Variants in SORCS3 observed in about 807,000 individuals in gnomAD.
The protein encoded by SORCS3 is sortilin related VPS10 domain containing receptor 3.
SORCS3 carries 57 observed loss-of-function variants against 146.3 expected under a neutral mutation model. The ratio of observed to expected loss-of-function variants is 0.39; its 90% confidence interval spans 0.31 to 0.49. The LOEUF (loss-of-function observed/expected upper bound fraction) is 0.49. Ranked by LOEUF, SORCS3 falls within the 20% of genes least tolerant of loss-of-function variation. The probability of loss-of-function intolerance (pLI) is 0.92; values close to 1 mark genes in which losing one functional copy is unlikely to be tolerated. For synonymous variants in SORCS3, 653 were observed against 618.5 expected (o/e 1.06, Z -0.83); for missense variants, 1,341 against 1,575.5 (o/e 0.85, Z 2.52).
chr10:104,802,174 G>A (rs552259917), intron 1 of SORCS3, among the ~76,000 whole-genome samples: 214 of 152,212 alleles, frequency 1.4e-3, no homozygotes, highest in Admixed American at 2.5e-3. Context: ...ATTTAACAAC[G>A]GTTTTGCAAA....
intron 2 of SORCS3, among the ~76,000 whole-genome samples, chr10:104,856,596 A>G (rs948008689): frequency 8.7e-5 from 2 of 23,010 alleles, no homozygotes; most frequent in African/African-American, 2.2e-4. Flanking sequence ...AAATATATAC[A>G]TATAAATGTA....
chr10:104,951,439 C>T (rs2019427921), intron 3 of SORCS3, among the ~76,000 whole-genome samples: 1 of 152,010 alleles, frequency 6.6e-6, no homozygotes, highest in Non-Finnish European at 1.5e-5. Flanking sequence ...CCCAAGTGAT[C>T]CTTAAGAAAG....
rs1290649308 is a variant in SORCS3 at position 105,043,120 on chromosome 10, G to A, written c.1020G>A (p.Arg340=). 1.9e-6 allele frequency: 3 copies of A among 1,613,524 alleles called. No individual in the cohort carries two copies. The highest frequency in any genetic ancestry group is 2.2e-5 in the East Asian group (1 of 44,874). The change falls in exon 5 of 27, where the codon AGG becomes AGA. Residue 340 remains arginine (R), a synonymous_variant. Coordinates refer to ENST00000369701, the MANE Select transcript of SORCS3 (RefSeq NM_014978.3). ...QLMHERITPN[R]FYWSVAGLDK... ...TGCATGAACGCATCACACCCAACAG[G>A]TTTTATTGGTAAGCCCTATCCACAC... is the stretch of plus-strand genomic sequence containing the variant.
chr10:104,954,703 T>C (rs1053157837), intron 3 of SORCS3, among the ~76,000 whole-genome samples: 3 of 152,116 alleles, frequency 2.0e-5, no homozygotes, highest in African/African-American at 7.2e-5. Flanking sequence ...CTGCAACAAG[T>C]TTCACTAGCC....
intron 1 of SORCS3, among the ~76,000 whole-genome samples, chr10:104,670,843 CT>C (rs1406511000): frequency 2.6e-5 from 4 of 151,564 alleles, no homozygotes; most frequent in Non-Finnish European, 5.9e-5. Flanking sequence ...TCTTTAATTT[CT>C]TTCAGCAGTA....
chr10:105,222,611 A>G (rs964121322), intron 19 of SORCS3, among the ~76,000 whole-genome samples: 7 of 152,180 alleles, frequency 4.6e-5, no homozygotes, highest in Non-Finnish European at 8.8e-5. Context: ...CCTGTTTGGA[A>G]AACAGCCTTG....
chr10:105,261,506 A>T (rs1441204091), intron 25 of SORCS3, among the ~76,000 whole-genome samples: 1 of 152,154 alleles, frequency 6.6e-6, no homozygotes, highest in Non-Finnish European at 1.5e-5. Flanking sequence ...CATTTTAAGG[A>T]AGACTCTGGG....
chr10:104,903,594 T>C (rs1365858853), intron 2 of SORCS3, among the ~76,000 whole-genome samples: 1 of 152,202 alleles, frequency 6.6e-6, no homozygotes, highest in Non-Finnish European at 1.5e-5. Context: ...TAAGTTACAG[T>C]CCTCTTGGGA....
intron 19 of SORCS3, among the ~76,000 whole-genome samples, chr10:105,218,020 C>T (rs1374834134): frequency 6.6e-6 from 1 of 152,144 alleles, no homozygotes; most frequent in Non-Finnish European, 1.5e-5. Flanking sequence ...TAAGTGAAAA[C>T]AAGGAGCACC....
In SORCS3 at chr10:105,256,856, A is replaced by T; in HGVS notation, c.3375A>T (p.Ser1125=). 6.2e-7 allele frequency: 1 copy of T among 1,614,180 alleles called. No homozygotes were observed. Residue 1125 remains serine, a synonymous_variant, in exon 25 of 27, where the codon TCA becomes TCT. Transcript: ENST00000369701. ...LVDSSAGHSS[S]AMLMLLSVVF... ...ACTCCAGTGCTGGGCACAGCAGCTC[A>T]GCCATGCTTATGCTATTATCAGTGG...
At chr10:104,879,417 TCTC>T (rs1014491052) in intron 2 of SORCS3, among the ~76,000 whole-genome samples, 1 of 152,228 alleles carries the variant, frequency 6.6e-6, no homozygotes, top group African/African-American at 2.4e-5. Flanking sequence ...CTGAAAAAAT[TCTC>T]CTCTTGTATA....
intron 1 of SORCS3, among the ~76,000 whole-genome samples, chr10:104,748,601 C>A (rs559100361): frequency 6.6e-6 from 1 of 152,078 alleles, no homozygotes; most frequent in South Asian, 2.1e-4. Context: ...ACCTGTAATC[C>A]CAGCACTTTG....
At chr10:104,788,090 T>C (rs577236879) in intron 1 of SORCS3, among the ~76,000 whole-genome samples, 4 of 152,294 alleles carry the variant, frequency 2.6e-5, no homozygotes, top group African/African-American at 9.6e-5. Context: ...TTTTATTTAA[T>C]TTAATTTTGC....
intron 5 of SORCS3, among the ~76,000 whole-genome samples, chr10:105,058,441 G>A (rs531674945): frequency 4.6e-5 from 7 of 152,202 alleles, no homozygotes; most frequent in Admixed American, 4.6e-4. Context: ...AAATGGAGTT[G>A]GGTTATATGA....
At chr10:104,967,416 C>T (rs1589570265) in intron 3 of SORCS3, among the ~76,000 whole-genome samples, 1 of 152,198 alleles carries the variant, frequency 6.6e-6, no homozygotes, top group East Asian at 1.9e-4. Flanking sequence ...TAACCCACTT[C>T]CACATGTACA....
intron 4 of SORCS3, among the ~76,000 whole-genome samples, chr10:104,989,187 C>T (rs540933689): frequency 5.6e-4 from 86 of 152,268 alleles, no homozygotes; most frequent in South Asian, 4.1e-3. Flanking sequence ...TTTAATTAAA[C>T]GGAGTTTGTG....
intron 26 of SORCS3, among the ~76,000 whole-genome samples, chr10:105,262,995 G>A (rs947077674): frequency 1.3e-5 from 2 of 152,118 alleles, no homozygotes; most frequent in Admixed American, 6.6e-5. Flanking sequence ...ATAATGACCT[G>A]CTGTTATGTC....
intron 5 of SORCS3, among the ~76,000 whole-genome samples, chr10:105,078,860 C>T (rs765984378): frequency 1.3e-5 from 2 of 152,258 alleles, no homozygotes; most frequent in Non-Finnish European, 2.9e-5. Context: ...GTGATGGAGC[C>T]AAGACTCTAA....
intron 1 of SORCS3, among the ~76,000 whole-genome samples, chr10:104,650,275 G>A (rs1419883470): frequency 6.6e-6 from 1 of 152,164 alleles, no homozygotes; most frequent in Non-Finnish European, 1.5e-5. Flanking sequence ...GACACTAGAG[G>A]GAGTGTTGCC....
Sources: gnomAD v4.1 joint callset for allele counts (sites outside exome capture counted in the v4.1 genomes callset) on GRCh38, gnomAD v4.1.1 for gene constraint, MANE v1.5 for transcripts, NCBI Gene and HGNC (gene_info 2026-07-23, HGNC 2026-07-21) for gene names.